Variants in PIK3AP1 observed in about 807,000 individuals in gnomAD.
PIK3AP1 encodes phosphoinositide-3-kinase adaptor protein 1, also known as phosphoinositide 3-kinase adapter protein 1.
Under a neutral mutation model 88.1 loss-of-function variants are expected in PIK3AP1, and 21 were observed. That is an observed-to-expected ratio of 0.24 (90% CI 0.17 to 0.34). The LOEUF is 0.34. Among genes scored for constraint, PIK3AP1 ranks in the 10% least tolerant of loss-of-function variants. PIK3AP1 has a pLI of 1.00. For synonymous variants in PIK3AP1, 398 were observed against 400.0 expected (o/e 1.00, Z 0.06); for missense variants, 828 against 1,035.7 (o/e 0.80, Z 2.75).
chr10:96,701,397 C>T (rs1156955020), intron 2 of PIK3AP1, among the ~76,000 whole-genome samples: 1 of 152,176 alleles, frequency 6.6e-6, no homozygotes, highest in Non-Finnish European at 1.5e-5. Flanking sequence ...AGTGCTTACC[C>T]CAATCATTTA....
At chr10:96,683,902 A>G (rs1012617900) in intron 2 of PIK3AP1, among the ~76,000 whole-genome samples, 4 of 152,242 alleles carry the variant, frequency 2.6e-5, no homozygotes, top group African/African-American at 9.6e-5. Context: ...ATAGGAAGTA[A>G]TGCTGGTCAC....
intron 13 of PIK3AP1, among the ~76,000 whole-genome samples, chr10:96,613,706 C>T (rs1849165124): frequency 6.6e-6 from 1 of 152,136 alleles, no homozygotes; most frequent in Non-Finnish European, 1.5e-5. Context: ...CCTGAACAGC[C>T]TTGGGTGAAC....
intron 2 of PIK3AP1, among the ~76,000 whole-genome samples, chr10:96,663,746 C>A (rs1186232077): frequency 6.7e-6 from 1 of 149,334 alleles, no homozygotes; most frequent in East Asian, 2.0e-4. Context: ...GTCACGAAAT[C>A]TCTTTTAAAA....
At chr10:96,623,784 C>T (rs1028332294) in intron 10 of PIK3AP1, among the ~76,000 whole-genome samples, 5 of 152,004 alleles carry the variant, frequency 3.3e-5, no homozygotes, top group African/African-American at 4.8e-5. Context: ...TTGAAGAAAA[C>T]GGTAATGGGA....
intron 6 of PIK3AP1, among the ~76,000 whole-genome samples, chr10:96,650,795 T>G (rs1277304947): frequency 1.3e-5 from 2 of 152,120 alleles, no homozygotes; most frequent in Admixed American, 6.5e-5. Context: ...TGAAAAAAGC[T>G]CATACCTCCT....
intron 2 of PIK3AP1, among the ~76,000 whole-genome samples, chr10:96,671,118 G>C (rs1187711312): frequency 6.6e-6 from 1 of 152,192 alleles, no homozygotes; most frequent in African/African-American, 2.4e-5. Context: ...CAGAAATTCA[G>C]CATCACAGCT....
At chr10:96,689,318 A>G (rs1211468174) in intron 2 of PIK3AP1, among the ~76,000 whole-genome samples, 1 of 151,742 alleles carries the variant, frequency 6.6e-6, no homozygotes, top group African/African-American at 2.4e-5. Flanking sequence ...TAATCCCAGT[A>G]CTTTGGGAGG....
chr10:96,656,900 A>G lies in PIK3AP1; in HGVS notation c.465T>C (p.Pro155=). 1 of 1,614,086 alleles carries G rather than the reference A, an allele frequency of 6.2e-7. No homozygotes were observed. Among genetic ancestry groups the G allele is most frequent in the African/African-American group, 1.3e-5 (1 of 75,014 alleles). The change falls in exon 3 of 17, where the codon CCT becomes CCC. Residue 155 remains proline, a synonymous_variant. Coordinates refer to ENST00000339364, the MANE Select transcript of PIK3AP1 (RefSeq NM_152309.3). ...SGCDSVTDTE[P]EDEKVVSYSK... ...AGTAGGAAACAACCTTCTCGTCCTC[A>G]GGCTCAGTGTCAGTGACTGAGTCAC...
chr10:96,669,790 A>C (rs886330897), intron 2 of PIK3AP1, among the ~76,000 whole-genome samples: 17 of 151,896 alleles, frequency 1.1e-4, no homozygotes, highest in African/African-American at 2.4e-4. Context: ...CAAAAAAAAA[A>C]CCAGAGAGAA....
chr10:96,603,938 C>A (rs1458571262), intron 15 of PIK3AP1, 41 bp downstream of exon 15: 3 of 1,507,448 alleles, frequency 2.0e-6, no homozygotes, highest in Admixed American at 1.9e-5. Context: ...GATGAAACGA[C>A]CCCTAGGACA....
chr10:96,616,606 C>T lies in PIK3AP1; in HGVS notation c.2014+33G>A, dbSNP rs184135533. The T allele has an allele frequency of 1.6e-3, 2,512 of 1,605,994 alleles. 1 individual carries two copies. The highest frequency in any genetic ancestry group is 2.0e-3 in the Non-Finnish European group (2,299 of 1,172,718). On this transcript the variant is annotated intron_variant, in intron 13 of 16. Transcript: ENST00000339364. ...AAGGACAACAGATGACAGCAATGTC[C>T]CACACAATGCAGCACCCTAGGAAGC...
At chr10:96,661,792 T>TAGGACAGGACAGGAC (rs138792870) in intron 2 of PIK3AP1, among the ~76,000 whole-genome samples, 46 of 141,344 alleles carry the variant, frequency 3.3e-4, no homozygotes, top group African/African-American at 1.2e-3. Context: ...AAGGACAGGA[T>TAGGACAGGACAGGAC]AGGACAGGAC....
chr10:96,613,132 G>T (rs886980978), intron 13 of PIK3AP1, among the ~76,000 whole-genome samples: 1 of 151,144 alleles, frequency 6.6e-6, no homozygotes, highest in Non-Finnish European at 1.5e-5. Context: ...CTGAGTAGCT[G>T]GGACTAGAGG....
chr10:96,635,230 A>AGT (rs1843297239), intron 8 of PIK3AP1, among the ~76,000 whole-genome samples: 1 of 152,170 alleles, frequency 6.6e-6, no homozygotes, highest in Non-Finnish European at 1.5e-5. Flanking sequence ...CATCAGGCAC[A>AGT]GTCAGCTTGC....
chr10:96,647,154 T>C (rs1843470720), intron 7 of PIK3AP1, among the ~76,000 whole-genome samples: 1 of 152,206 alleles, frequency 6.6e-6, no homozygotes, highest in Admixed American at 6.5e-5. Context: ...AAAGCAAAGA[T>C]GGTATGACCT....
chr10:96,715,617 G>A (rs533318762), intron 1 of PIK3AP1, among the ~76,000 whole-genome samples: 9 of 152,264 alleles, frequency 5.9e-5, no homozygotes, highest in East Asian at 1.9e-4. Flanking sequence ...GAGGCTGGGC[G>A]CGGTGGCTCA....
intron 2 of PIK3AP1, among the ~76,000 whole-genome samples, chr10:96,687,600 ATCT>A (rs768464820): frequency 3.3e-5 from 5 of 151,984 alleles, no homozygotes; most frequent in Non-Finnish European, 7.4e-5. Context: ...TCAAAATCTT[ATCT>A]TCTTGTCCCG....
intron 2 of PIK3AP1, among the ~76,000 whole-genome samples, chr10:96,658,063 C>CAAAAAA (rs10706863): frequency 8.8e-6 from 1 of 113,918 alleles, no homozygotes; most frequent in African/African-American, 3.2e-5. Flanking sequence ...AACTCCATCT[C>CAAAAAA]AAAAAAAAAA....
intron 2 of PIK3AP1, among the ~76,000 whole-genome samples, chr10:96,689,448 T>C (rs1844121605): frequency 1.3e-5 from 2 of 151,638 alleles, no homozygotes; most frequent in Non-Finnish European, 2.9e-5. Flanking sequence ...CGGGCGCCTG[T>C]AGTCCCAGCT....
Sources: allele counts gnomAD v4.1 joint callset (sites outside exome capture counted in the v4.1 genomes callset), GRCh38; gene constraint gnomAD v4.1.1; transcripts MANE v1.5; gene names NCBI Gene and HGNC (gene_info 2026-07-23, HGNC 2026-07-21).